SLC24A3: variants seen among roughly 807,000 people sequenced by gnomAD.
SLC24A3 encodes sodium/potassium/calcium exchanger 3.
A neutral mutation model predicts 75.8 loss-of-function variants in SLC24A3; 28 were observed. The observed-to-expected ratio is 0.37, with a 90% CI of 0.27 to 0.51. The LOEUF is 0.51. Ranked by LOEUF, SLC24A3 falls within the 20% of genes least tolerant of loss-of-function variation. SLC24A3 has a pLI of 0.94. For missense variants in SLC24A3, 663 were observed against 847.8 expected, an observed-to-expected ratio of 0.78 and a Z score of 2.71; for synonymous variants, 372 against 334.1, an observed-to-expected ratio of 1.11 and a Z score of -1.24.
chr20:19,291,065 C>A (rs1479145756), intron 2 of SLC24A3, among the ~76,000 whole-genome samples: 1 of 152,200 alleles, frequency 6.6e-6, no homozygotes, highest in East Asian at 1.9e-4. Flanking sequence ...ATCTTGCCAT[C>A]GGGTCCTCAG....
intron 2 of SLC24A3, among the ~76,000 whole-genome samples, chr20:19,453,843 A>C (rs1296184907): frequency 3.3e-5 from 5 of 152,218 alleles, no homozygotes; most frequent in Non-Finnish European, 7.3e-5. Context: ...ATCAAAACAC[A>C]CAGAGGCACA....
chr20:19,390,549 G>T (rs1434750437), intron 2 of SLC24A3, among the ~76,000 whole-genome samples: 1 of 152,152 alleles, frequency 6.6e-6, no homozygotes, highest in Non-Finnish European at 1.5e-5. Flanking sequence ...GGCAGGCCTG[G>T]AGGCTGGGTC....
chr20:19,275,410 C>T (rs1318887310), intron 1 of SLC24A3, among the ~76,000 whole-genome samples: 1 of 152,210 alleles, frequency 6.6e-6, no homozygotes, highest in Non-Finnish European at 1.5e-5. Flanking sequence ...CTGCTGCCAC[C>T]GCGGTGTCTG....
At chr20:19,283,456 A>G (rs894953919) in intron 2 of SLC24A3, among the ~76,000 whole-genome samples, 14 of 152,234 alleles carry the variant, frequency 9.2e-5, no homozygotes, top group Admixed American at 6.5e-5. Flanking sequence ...CTACATGTCA[A>G]ATACTCGATA....
intron 6 of SLC24A3, among the ~76,000 whole-genome samples, chr20:19,620,488 C>G (rs978993259): frequency 6.6e-6 from 1 of 152,150 alleles, no homozygotes; most frequent in Non-Finnish European, 1.5e-5. Context: ...AAGAAATGAC[C>G]TTGCCAGACC....
At chr20:19,310,982 A>G (rs1984442658) in intron 2 of SLC24A3, among the ~76,000 whole-genome samples, 1 of 151,732 alleles carries the variant, frequency 6.6e-6, no homozygotes, top group South Asian at 2.1e-4. Flanking sequence ...CCTCTATGTA[A>G]TCTTCCTTCG....
At chr20:19,545,931 G>A (rs953609627) in intron 3 of SLC24A3, among the ~76,000 whole-genome samples, 3 of 151,910 alleles carry the variant, frequency 2.0e-5, no homozygotes, top group Non-Finnish European at 2.9e-5. Context: ...AGGCCGAGGC[G>A]GGTGGATCAC....
At chr20:19,332,909 A>C (rs569944092) in intron 2 of SLC24A3, among the ~76,000 whole-genome samples, 4 of 152,126 alleles carry the variant, frequency 2.6e-5, no homozygotes, top group Non-Finnish European at 5.9e-5. Context: ...GAGCCAGGAC[A>C]ATTTAGGGAG....
intron 2 of SLC24A3, among the ~76,000 whole-genome samples, chr20:19,332,766 C>A (rs1305466998): frequency 2.6e-5 from 4 of 152,180 alleles, no homozygotes; most frequent in Admixed American, 2.0e-4. Context: ...CCCATGAACA[C>A]TCCAGCACTA....
chr20:19,460,680 G>C (rs8184693), intron 2 of SLC24A3, among the ~76,000 whole-genome samples: 2 of 152,028 alleles, frequency 1.3e-5, no homozygotes, highest in African/African-American at 2.4e-5. Context: ...GTTTCCCTCC[G>C]GGGTGTTTAT....
intron 2 of SLC24A3, among the ~76,000 whole-genome samples, chr20:19,437,805 T>C (rs1987232023): frequency 1.3e-5 from 2 of 152,196 alleles, no homozygotes; most frequent in Admixed American, 6.5e-5. Context: ...TCTGATCCTG[T>C]CTCCATCCTC....
intron 8 of SLC24A3, 39 bp from the exon 9 acceptor site, chr20:19,673,562 G>A: frequency 1.3e-6 from 2 of 1,585,116 alleles, no homozygotes; most frequent in Non-Finnish European, 1.7e-6. Flanking sequence ...TTTCACAGAT[G>A]TCCATGACTG....
At chr20:19,560,233 G>A (rs534060561) in intron 3 of SLC24A3, among the ~76,000 whole-genome samples, 1 of 152,314 alleles carries the variant, frequency 6.6e-6, no homozygotes, top group South Asian at 2.1e-4. Flanking sequence ...ACTGGGGCTC[G>A]ATCCTGCGGA....
intron 2 of SLC24A3, among the ~76,000 whole-genome samples, chr20:19,363,581 G>C (rs2122344711): frequency 6.6e-6 from 1 of 152,220 alleles, no homozygotes; most frequent in Non-Finnish European, 1.5e-5. Context: ...GCCCATTCAT[G>C]GTGCTCTATG....
chr20:19,410,690 G>C (rs551061302), intron 2 of SLC24A3, among the ~76,000 whole-genome samples: 2 of 152,220 alleles, frequency 1.3e-5, no homozygotes, highest in South Asian at 4.2e-4. Flanking sequence ...ACATTGCCTG[G>C]CACATAATAG....
intron 2 of SLC24A3, among the ~76,000 whole-genome samples, chr20:19,355,882 C>G (rs1192919796): frequency 6.6e-6 from 1 of 152,194 alleles, no homozygotes; most frequent in Non-Finnish European, 1.5e-5. Context: ...ATTGCTAACA[C>G]TGTGTGGTGT....
chr20:19,527,297 C>T (rs999719613), intron 3 of SLC24A3, among the ~76,000 whole-genome samples: 1 of 152,202 alleles, frequency 6.6e-6, no homozygotes, highest in Non-Finnish European at 1.5e-5. Context: ...CCTCACTCAT[C>T]TTTATGTCCC....
intron 2 of SLC24A3, among the ~76,000 whole-genome samples, chr20:19,299,182 GTGTGTGTGTGTGTGTA>G (rs1984135782): frequency 7.2e-6 from 1 of 139,728 alleles, no homozygotes; most frequent in African/African-American, 2.8e-5. Context: ...CCCTTCGTGT[GTGTGTGTGTGTGTGTA>G]TGTGTGTGTG....
At chr20:19,520,373 A>G (rs2030076926) in intron 3 of SLC24A3, among the ~76,000 whole-genome samples, 1 of 152,114 alleles carries the variant, frequency 6.6e-6, no homozygotes, top group Admixed American at 6.5e-5. Flanking sequence ...GCACCTCCTC[A>G]GGTTGATCAG....
Sources: gnomAD v4.1 joint callset for allele counts (sites outside exome capture counted in the v4.1 genomes callset) on GRCh38, gnomAD v4.1.1 for gene constraint, MANE v1.5 for transcripts, NCBI Gene and HGNC (gene_info 2026-07-23, HGNC 2026-07-21) for gene names.